The following WDR11 variants were observed in gnomAD, a reference collection of about 807,000 sequenced individuals.
The protein encoded by WDR11 is WD repeat-containing protein 11.
A neutral mutation model predicts 151.2 loss-of-function variants in WDR11; 83 were observed. The observed-to-expected ratio is 0.55, with a 90% CI of 0.46 to 0.66. The LOEUF (loss-of-function observed/expected upper bound fraction) is 0.66, where lower values mean the gene tolerates loss of function less well. WDR11 is among the 30% of genes least tolerant of loss of function. The pLI, the probability that WDR11 is intolerant of heterozygous loss-of-function variation, is 0.00. For missense variants in WDR11, 1,301 were observed against 1,480.9 expected (o/e 0.88, Z 1.99); for synonymous variants, 484 against 533.1 (o/e 0.91, Z 1.27).
chr10:120,873,961 A>G (rs1846639461), intron 11 of WDR11, 38 bp downstream of exon 11: 3 of 1,416,006 alleles, frequency 2.1e-6, no homozygotes, highest in Admixed American at 1.7e-5. Context: ...CACAAACATC[A>G]TATCAGAAAA....
intron 3 of WDR11, 73 bp downstream of exon 3, chr10:120,858,869 GTTTT>G: frequency 3.2e-6 from 5 of 1,577,008 alleles, no homozygotes; most frequent in East Asian, 2.2e-5. Flanking sequence ...GGTTTTGGGG[GTTTT>G]CCCCCATTCA....
intron 11 of WDR11, among the ~76,000 whole-genome samples, chr10:120,876,957 C>T (rs1021268434): frequency 2.0e-5 from 3 of 152,178 alleles, no homozygotes; most frequent in Non-Finnish European, 4.4e-5. Flanking sequence ...TGCTAAAATA[C>T]GCACATAGGT....
intron 9 of WDR11, among the ~76,000 whole-genome samples, chr10:120,868,471 A>G (rs909537947): frequency 2.6e-5 from 4 of 152,202 alleles, no homozygotes; most frequent in Admixed American, 2.6e-4. Context: ...ACAAAAAAAA[A>G]GCATTACATT....
At chr10:120,882,530 A>G (rs899723964) in intron 13 of WDR11, among the ~76,000 whole-genome samples, 2 of 139,604 alleles carry the variant, frequency 1.4e-5, no homozygotes, top group African/African-American at 5.4e-5. Flanking sequence ...GTTTTTAAAT[A>G]CAAATTCAGT....
chr10:120,851,395 G>C lies in WDR11; in HGVS notation c.-26G>C, dbSNP rs370865980. 185 of 1,597,884 alleles carry C rather than the reference G, an allele frequency of 1.2e-4. No homozygotes were observed. The highest frequency in any genetic ancestry group is 6.9e-5 in the Admixed American group (4 of 57,610). On this transcript the variant is annotated 5_prime_UTR_variant, in exon 1 of 29. Transcript: ENST00000263461. ...CGCCGCTTCCTGGTTGCGGGTCAGC[G>C]CCCAGGTCCTGGGCTGGCCGCCGGG...
chr10:120,905,089 A>C (rs1200006344), intron 25 of WDR11, among the ~76,000 whole-genome samples: 1 of 152,208 alleles, frequency 6.6e-6, no homozygotes, highest in Non-Finnish European at 1.5e-5. Context: ...CTGTGAGAGA[A>C]CTATGCTCTC....
intron 11 of WDR11, among the ~76,000 whole-genome samples, chr10:120,875,999 T>A (rs1254156): frequency 0.99 from 132,769 of 133,996 alleles, 65,779 homozygotes; most frequent in Middle Eastern, 1. Context: ...TTTTTTTGAG[T>A]TGGAGTTTCG....
intron 28 of WDR11, chr10:120,908,135 A>C (rs1300448393): frequency 4.6e-6 from 1 of 215,330 alleles, no homozygotes; most frequent in African/African-American, 2.3e-5. Flanking sequence ...AAAACCCAAC[A>C]ACCAGATATA....
chr10:120,899,565 C>T (rs1032368418), intron 19 of WDR11, among the ~76,000 whole-genome samples: 6 of 151,920 alleles, frequency 3.9e-5, no homozygotes, highest in Non-Finnish European at 7.4e-5. Flanking sequence ...GGCAGATCAC[C>T]TGAGGTCAGG....
Position 120,908,753 on chromosome 10 carries a change from A to G in WDR11, c.*40A>G. The G allele has an allele frequency of 1.2e-6, 2 of 1,611,442 alleles. No homozygotes were observed. Among genetic ancestry groups the G allele is most frequent in the Non-Finnish European group, 1.7e-6 (2 of 1,178,800 alleles). On this transcript the variant is annotated 3_prime_UTR_variant, in exon 29 of 29. Coordinates refer to ENST00000263461, the MANE Select transcript of WDR11 (RefSeq NM_018117.12). ...CCAGGGAATCTGACCTGGAAGGCAG[A>G]TGGGAGGGGGCTGGTCTGGCTGTGG...
At chr10:120,903,346 A>G in intron 23 of WDR11, 114 bp downstream of exon 23, 1 of 1,337,810 alleles carries the variant, frequency 7.5e-7, no homozygotes. Context: ...AGTAATAGAA[A>G]TAAGCCCTTG....
chr10:120,860,990 T>G (rs924656821), intron 4 of WDR11, among the ~76,000 whole-genome samples: 2 of 152,180 alleles, frequency 1.3e-5, no homozygotes, highest in African/African-American at 4.8e-5. Flanking sequence ...GTGACCACAA[T>G]GAATTAATAA....
chr10:120,886,549 C>A, intron 15 of WDR11, 140 bp from the exon 16 acceptor site: 3 of 1,027,054 alleles, frequency 2.9e-6, no homozygotes, highest in Admixed American at 2.5e-5. Flanking sequence ...ATTAGCTGGG[C>A]AAATATTAGT....
intron 13 of WDR11, among the ~76,000 whole-genome samples, chr10:120,882,031 A>C (rs1183464497): frequency 6.6e-6 from 1 of 152,040 alleles, no homozygotes; most frequent in African/African-American, 2.4e-5. Flanking sequence ...TTTTATTCCT[A>C]GTTTGCTGAG....
At chr10:120,874,402 AT>A (rs1846681476) in intron 11 of WDR11, among the ~76,000 whole-genome samples, 1 of 151,210 alleles carries the variant, frequency 6.6e-6, no homozygotes, top group South Asian at 2.1e-4. Context: ...TTATTTTAAA[AT>A]TTTTTTTACT....
At chr10:120,884,764 G>A (rs533911947) in intron 14 of WDR11, among the ~76,000 whole-genome samples, 27 of 152,178 alleles carry the variant, frequency 1.8e-4, no homozygotes, top group Middle Eastern at 3.4e-3. Flanking sequence ...GAAAAAAAGC[G>A]GGAACCCTAG....
At chr10:120,900,503 T>C (rs1554860361) in intron 20 of WDR11, among the ~76,000 whole-genome samples, 1 of 152,206 alleles carries the variant, frequency 6.6e-6, no homozygotes, top group Non-Finnish European at 1.5e-5. Flanking sequence ...AGGGATATAC[T>C]GTGTCTTAAA....
At chr10:120,890,287 A>C (rs1847385488) in intron 18 of WDR11, among the ~76,000 whole-genome samples, 1 of 151,966 alleles carries the variant, frequency 6.6e-6, no homozygotes, top group Non-Finnish European at 1.5e-5. Context: ...ATCTCGACTT[A>C]TTGCAGCCTC....
chr10:120,859,449 A>G (rs565407484), intron 3 of WDR11, among the ~76,000 whole-genome samples: 1 of 151,550 alleles, frequency 6.6e-6, no homozygotes. Flanking sequence ...TTGTATTTTT[A>G]GTAGAGACGG....
Sources: allele counts gnomAD v4.1 joint callset (sites outside exome capture counted in the v4.1 genomes callset), GRCh38; gene constraint gnomAD v4.1.1; transcripts MANE v1.5; gene names NCBI Gene and HGNC (gene_info 2026-07-23, HGNC 2026-07-21).